MICU3: variants seen among roughly 807,000 people sequenced by gnomAD.
MICU3 encodes the protein calcium uptake protein 3, mitochondrial.
MICU3 carries 62 observed loss-of-function variants against 66.5 expected under a neutral mutation model. The observed-to-expected ratio is 0.93, with a 90% CI of 0.76 to 1.15. The LOEUF (loss-of-function observed/expected upper bound fraction) is 1.15. MICU3 is among the 50% of genes most tolerant of loss of function. MICU3 has a pLI of 0.00. For missense variants in MICU3, 779 were observed against 664.4 expected (o/e 1.17, Z -1.90); for synonymous variants, 308 against 240.7 (o/e 1.28, Z -2.59).
downstream of MICU3, among the ~76,000 whole-genome samples, chr8:17,126,273 G>A (rs1585602440): frequency 6.6e-6 from 1 of 152,022 alleles, no homozygotes; most frequent in African/African-American, 2.4e-5. Flanking sequence ...AGGTGTCTCC[G>A]TATTGCAGGC....
chr8:17,129,914 C>G, the MICU3 span, among the ~76,000 whole-genome samples: 1 of 152,028 alleles, frequency 6.6e-6, no homozygotes, highest in Non-Finnish European at 1.5e-5. Flanking sequence ...AGAATCAGTG[C>G]TGACTTATCA....
chr8:17,104,803 G>A (rs1232496014), intron 10 of MICU3, among the ~76,000 whole-genome samples: 1 of 39,620 alleles, frequency 2.5e-5, no homozygotes, highest in South Asian at 7.7e-4. Flanking sequence ...AGACCATCCT[G>A]GCTAACACGG....
chr8:17,131,627 T>C, the MICU3 span: 2 of 152,392 alleles, frequency 1.3e-5, no homozygotes, highest in Admixed American at 6.5e-5. Flanking sequence ...TCCCGGATAA[T>C]CTCCAGCTGA....
chr8:17,059,128 G>T (rs1477706665), intron 1 of MICU3, among the ~76,000 whole-genome samples: 1 of 152,166 alleles, frequency 6.6e-6, no homozygotes, highest in East Asian at 1.9e-4. Flanking sequence ...AAGCTTAAAA[G>T]AATGCAAATA....
chr8:17,048,969 A>T (rs1189774421), intron 1 of MICU3, among the ~76,000 whole-genome samples: 1 of 152,114 alleles, frequency 6.6e-6, no homozygotes, highest in Non-Finnish European at 1.5e-5. Flanking sequence ...CTGGGAATTT[A>T]TGAGCTTATT....
At chr8:17,069,767 CATATAT>C in intron 3 of MICU3, 48 bp downstream of exon 3, 15 of 584,554 alleles carry the variant, frequency 2.6e-5, no homozygotes, top group Non-Finnish European at 3.8e-5. Flanking sequence ...TATGTGCATG[CATATAT>C]ACATATATAA....
intron 1 of MICU3, among the ~76,000 whole-genome samples, chr8:17,046,719 G>A (rs538470428): frequency 1.4e-4 from 21 of 151,984 alleles, no homozygotes; most frequent in Non-Finnish European, 2.5e-4. Context: ...CCTACCTAAC[G>A]CCAGAATTCT....
At chr8:17,136,039 T>C in the MICU3 span, among the ~76,000 whole-genome samples, 2 of 152,260 alleles carry the variant, frequency 1.3e-5, no homozygotes, top group South Asian at 2.1e-4. Flanking sequence ...CTCCATGTTA[T>C]AGGACATAGT....
intron 1 of MICU3, among the ~76,000 whole-genome samples, chr8:17,053,616 A>AT: frequency 6.6e-6 from 1 of 152,124 alleles, no homozygotes; most frequent in East Asian, 1.9e-4. Context: ...AACTTTTGTC[A>AT]TTTTTTAAGC....
At chr8:17,090,419 A>C in intron 7 of MICU3, 127 bp from the exon 8 acceptor site, 1 of 723,270 alleles carries the variant, frequency 1.4e-6, no homozygotes, top group South Asian at 1.9e-5. Flanking sequence ...TGCTCTATAT[A>C]AAATGTAGCA....
At chr8:17,038,976 TAATA>T (rs1585179406) in intron 1 of MICU3, among the ~76,000 whole-genome samples, 1 of 149,396 alleles carries the variant, frequency 6.7e-6, no homozygotes, top group African/African-American at 2.4e-5. Flanking sequence ...AATAAATAAA[TAATA>T]AATAAATAAA....
At chr8:17,093,202 T>C (rs1800265294) in intron 8 of MICU3, among the ~76,000 whole-genome samples, 1 of 152,036 alleles carries the variant, frequency 6.6e-6, no homozygotes, top group African/African-American at 2.4e-5. Context: ...AATTTCATCA[T>C]TGCACAGTGA....
At chr8:17,114,038 G>T in intron 11 of MICU3, 55 bp from the exon 12 acceptor site, 1 of 1,163,076 alleles carries the variant, frequency 8.6e-7, no homozygotes, top group Non-Finnish European at 1.3e-6. Flanking sequence ...TGTAGATCCT[G>T]ATTTTAATAA....
intron 3 of MICU3, among the ~76,000 whole-genome samples, chr8:17,071,198 G>A (rs1011347063): frequency 1.3e-5 from 2 of 152,052 alleles, no homozygotes; most frequent in African/African-American, 4.8e-5. Context: ...TGGAAGTCTG[G>A]GCTAGTATAG....
At chr8:17,079,519 A>G (rs562391326) in intron 4 of MICU3, among the ~76,000 whole-genome samples, 2 of 152,086 alleles carry the variant, frequency 1.3e-5, no homozygotes, top group South Asian at 4.1e-4. Context: ...GCTATTGAAG[A>G]CTAATTTTAT....
chr8:17,028,065 G>C (rs1428049598), intron 1 of MICU3, among the ~76,000 whole-genome samples: 2 of 152,204 alleles, frequency 1.3e-5, no homozygotes, highest in African/African-American at 4.8e-5. Context: ...ATTAGAATGA[G>C]TTTCGAAGCA....
intron 1 of MICU3, among the ~76,000 whole-genome samples, chr8:17,044,321 G>A (rs1182057091): frequency 6.6e-6 from 1 of 152,148 alleles, no homozygotes; most frequent in Admixed American, 6.5e-5. Flanking sequence ...ATAAAAACAT[G>A]TCTCATATAT....
intron 1 of MICU3, among the ~76,000 whole-genome samples, chr8:17,034,719 C>G (rs1430325964): frequency 6.6e-6 from 1 of 152,184 alleles, no homozygotes; most frequent in East Asian, 1.9e-4. Flanking sequence ...GAAATGGAGC[C>G]TAAAGATATG....
At chr8:17,103,414 T>C (rs1801450018) in intron 9 of MICU3, among the ~76,000 whole-genome samples, 1 of 151,908 alleles carries the variant, frequency 6.6e-6, no homozygotes, top group Non-Finnish European at 1.5e-5. Context: ...GACAAAAAGC[T>C]AAAAACGATG....
Sources: gnomAD v4.1 joint callset for allele counts (sites outside exome capture counted in the v4.1 genomes callset) on GRCh38, gnomAD v4.1.1 for gene constraint, MANE v1.5 for transcripts, NCBI Gene and HGNC (gene_info 2026-07-23, HGNC 2026-07-21) for gene names.